The following SLC18B1 variants were observed in gnomAD, a reference collection of about 807,000 sequenced individuals.
The protein encoded by SLC18B1 is MFS-type transporter SLC18B1.
SLC18B1 carries 62 observed loss-of-function variants against 53.9 expected under a neutral mutation model. The observed-to-expected ratio is 1.15, with a 90% CI of 0.94 to 1.42. SLC18B1 has a LOEUF of 1.42. Among genes scored for constraint, SLC18B1 ranks in the 40% most tolerant of loss-of-function variants. SLC18B1 has a pLI of 0.00. For missense variants in SLC18B1, 598 were observed against 547.3 expected (o/e 1.09, Z -0.93); for synonymous variants, 217 against 200.9 (o/e 1.08, Z -0.68).
At chr6:132,792,355 GGGAA>G (rs1472487461) in intron 2 of SLC18B1, among the ~76,000 whole-genome samples, 7 of 103,004 alleles carry the variant, frequency 6.8e-5, no homozygotes, top group Non-Finnish European at 1.0e-4. Context: ...AAGGAAGGAA[GGGAA>G]AGAAAGAAAA....
intron 8 of SLC18B1, among the ~76,000 whole-genome samples, chr6:132,776,091 A>G (rs1781092131): frequency 6.6e-6 from 1 of 152,164 alleles, no homozygotes; most frequent in Non-Finnish European, 1.5e-5. Context: ...GTCTAATCCA[A>G]TTTATTTTTT....
intron 6 of SLC18B1, among the ~76,000 whole-genome samples, chr6:132,782,772 TAAC>T (rs1582863284): frequency 6.6e-6 from 1 of 151,492 alleles, no homozygotes. Context: ...TCTAAAATAA[TAAC>T]AATTTTTTTT....
chr6:132,791,282 T>C (rs1238930113), intron 2 of SLC18B1, among the ~76,000 whole-genome samples: 1 of 152,208 alleles, frequency 6.6e-6, no homozygotes, highest in Non-Finnish European at 1.5e-5. Flanking sequence ...TTGGCAGAGC[T>C]TTGGATTTTC....
intron 7 of SLC18B1, among the ~76,000 whole-genome samples, chr6:132,776,807 G>A (rs1485246313): frequency 6.6e-6 from 1 of 152,168 alleles, no homozygotes; most frequent in African/African-American, 2.4e-5. Context: ...AGAAAAAGAG[G>A]AAAATAAATT....
intron 6 of SLC18B1, among the ~76,000 whole-genome samples, chr6:132,783,632 T>G (rs921010329): frequency 6.6e-6 from 1 of 152,242 alleles, no homozygotes; most frequent in Non-Finnish European, 1.5e-5. Flanking sequence ...CTGGGCCATA[T>G]GTGGCCCACA....
At chr6:132,797,493 G>T (rs1304598660) in intron 1 of SLC18B1, among the ~76,000 whole-genome samples, 1 of 152,218 alleles carries the variant, frequency 6.6e-6, no homozygotes, top group East Asian at 1.9e-4. Context: ...AGCTACTCGG[G>T]AGGCTGAGGC....
intron 5 of SLC18B1, among the ~76,000 whole-genome samples, chr6:132,785,897 CA>C (rs71545048): frequency 0.32 from 25,247 of 80,050 alleles, 1,207 homozygotes; most frequent in Admixed American, 0.45. Context: ...CCTGTCTCTA[CA>C]AAAAAAAAAA....
At chr6:132,791,384 T>G (rs1195670725) in intron 2 of SLC18B1, among the ~76,000 whole-genome samples, 1 of 152,258 alleles carries the variant, frequency 6.6e-6, no homozygotes, top group Non-Finnish European at 1.5e-5. Flanking sequence ...TGCCTTTCTT[T>G]ATCTTTTCTC....
At position 132,775,526 on chromosome 6, in the gene SLC18B1, T is replaced by A. The variant is rs190510231; in HGVS notation, c.897+802A>T. Among the ~76,000 whole-genome samples, 20 of 152,306 alleles carry A rather than the reference T, an allele frequency of 1.3e-4. 1 individual carries two copies. Among genetic ancestry groups the A allele is most frequent in the African/African-American group, 4.1e-4 (17 of 41,568 alleles). ...GGTTACTAAGTAATCCACAAGTAAT[T>A]CTGTTCTTGATAAATAAATATGCAA... On this transcript the variant is annotated intron_variant, in intron 8 of 13. Transcript: ENST00000275227.
rs1172177021 is a variant in SLC18B1, at chr6:132,776,423, A to T, written c.802T>A (p.Leu268Ile). The T allele has an allele frequency of 6.2e-7, 1 of 1,611,584 alleles. No homozygotes were observed. The change falls in exon 8 of 14, where the codon TTA becomes ATA. Residue 268 changes from leucine (L) to isoleucine (I), a missense_variant. Coordinates refer to ENST00000275227, the MANE Select transcript of SLC18B1 (RefSeq NM_052831.3). ...LSLFVLEKFNLPAGYVGLVFL... is the reference protein window; with the variant it reads ...LSLFVLEKFNIPAGYVGLVFL... ...ACTAGTCCCACATATCCAGCTGGTA[A>T]ATTGAACTGTAAAAGAAATCCTATA...
chr6:132,797,530 G>A (rs1582877882), intron 1 of SLC18B1, among the ~76,000 whole-genome samples: 1 of 152,108 alleles, frequency 6.6e-6, no homozygotes, highest in African/African-American at 2.4e-5. Flanking sequence ...CCCGGGAGGC[G>A]GAGCTTGCAG....
At chr6:132,770,391 C>A in intron 13 of SLC18B1, 55 bp from the exon 14 acceptor site, 5 of 1,468,532 alleles carry the variant, frequency 3.4e-6, no homozygotes, top group African/African-American at 2.8e-5. Context: ...TAAAAACAAA[C>A]AAACAAACAA....
In SLC18B1 at chr6:132,796,973, AT is replaced by A; in HGVS notation, c.183+8del. On this transcript the variant is annotated splice_region_variant and intron_variant, in intron 2 of 13. Coordinates refer to ENST00000275227, the MANE Select transcript of SLC18B1 (RefSeq NM_052831.3). ...AAACAGAGGTCCTAAGGATTTAAAA[AT>A]GTCTTACCTCTTTGGGGAAAAACGG... The A allele has an allele frequency of 6.2e-7, 1 of 1,607,044 alleles. No homozygotes were observed. Among genetic ancestry groups the A allele is most frequent in the Non-Finnish European group, 8.5e-7 (1 of 1,177,284 alleles).
rs751922186 is a variant in SLC18B1 at position 132,776,458 on chromosome 6, C to T, written c.796-29G>A. On this transcript the variant is annotated intron_variant, in intron 7 of 13. Transcript: ENST00000275227. ...TAAAAGAAATCCTATATTAAAGTTA[C>T]ATAATTAAGTCATTTTTAAGTAAAC... is the stretch of plus-strand genomic sequence containing the variant. 5 of 1,534,696 alleles carry T rather than the reference C, an allele frequency of 3.3e-6. No individual in the cohort carries two copies. The African/African-American group carries it at 5.5e-5, about 17-fold the overall frequency.
intron 8 of SLC18B1, among the ~76,000 whole-genome samples, chr6:132,774,974 T>A (rs1781064457): frequency 6.6e-6 from 1 of 151,994 alleles, no homozygotes; most frequent in East Asian, 1.9e-4. Flanking sequence ...CCTAGAAAAA[T>A]CACATTATTA....
chr6:132,787,318 A>G, intron 5 of SLC18B1, 116 bp downstream of exon 5: 1 of 1,037,250 alleles, frequency 9.6e-7, no homozygotes, highest in Non-Finnish European at 1.3e-6. Context: ...AGGCAACAAT[A>G]ATACAGAGAG....
chr6:132,789,358 G>A (rs1172100102), intron 4 of SLC18B1: 1 of 162,794 alleles, frequency 6.1e-6, no homozygotes. Context: ...AAAGGGGAGG[G>A]CTTGTTCAAA....
At chr6:132,797,819 A>G (rs1020450196) in intron 1 of SLC18B1, among the ~76,000 whole-genome samples, 1 of 152,216 alleles carries the variant, frequency 6.6e-6, no homozygotes, top group Non-Finnish European at 1.5e-5. Context: ...CTTTTACATC[A>G]GTTAATTTAA....
intron 13 of SLC18B1, 132 bp from the exon 14 acceptor site, chr6:132,770,468 G>T: frequency 1.4e-6 from 1 of 727,626 alleles, no homozygotes; most frequent in Admixed American, 2.5e-5. Context: ...GGGCATGGTG[G>T]CTCACGCCTG....
Sources: gnomAD v4.1 joint callset for allele counts (sites outside exome capture counted in the v4.1 genomes callset) on GRCh38, gnomAD v4.1.1 for gene constraint, MANE v1.5 for transcripts, NCBI Gene and HGNC (gene_info 2026-07-23, HGNC 2026-07-21) for gene names.